Variants in KIAA1217 observed in about 807,000 individuals in gnomAD.
KIAA1217 encodes the protein sickle tail protein homolog.
KIAA1217 carries 88 observed loss-of-function variants against 163.9 expected under a neutral mutation model. The ratio of observed to expected loss-of-function variants is 0.54; its 90% CI spans 0.45 to 0.64. The LOEUF is 0.64. Ranked by LOEUF, KIAA1217 falls within the 30% of genes least tolerant of loss-of-function variation. KIAA1217 has a pLI of 0.00. For missense variants in KIAA1217, 2,372 were observed against 2,475.0 expected (o/e 0.96, Z 0.88); for synonymous variants, 903 against 923.1 (o/e 0.98, Z 0.39).
At position 23,939,141 on chromosome 10, in the gene KIAA1217, T is replaced by C. The variant is rs557902876; in HGVS notation, c.-320-68084T>C. On this transcript the variant is annotated intron_variant, in intron 1 of 18. Transcript: ENST00000376462. ...CTAATAAGCCAACAAACACGTATAA[T>C]GTAATAACAAAATAAAAATCCAAAA... Among the ~76,000 whole-genome samples, 150 of 152,004 alleles carry C rather than the reference T, an allele frequency of 9.9e-4. 3 individuals are homozygous for C. In the South Asian group the frequency reaches 0.031, roughly 31 times the overall value.
At chr10:23,738,093 G>A (rs929089126) in intron 1 of KIAA1217, among the ~76,000 whole-genome samples, 1 of 151,922 alleles carries the variant, frequency 6.6e-6, no homozygotes, top group Admixed American at 6.6e-5. Flanking sequence ...CTTGTTTTTA[G>A]CATTTGTTAT....
chr10:24,110,031 TG>T (rs1230736109), intron 2 of KIAA1217, among the ~76,000 whole-genome samples: 2 of 152,184 alleles, frequency 1.3e-5, no homozygotes, highest in African/African-American at 4.8e-5. Context: ...GCGTAGCTGA[TG>T]TTGTTTTTGG....
intron 1 of KIAA1217, among the ~76,000 whole-genome samples, chr10:23,722,107 T>A (rs369959579): frequency 6.6e-6 from 1 of 152,170 alleles, no homozygotes; most frequent in Non-Finnish European, 1.5e-5. Context: ...ACAAATACTG[T>A]ATGAATCCAA....
intron 8 of KIAA1217, among the ~76,000 whole-genome samples, chr10:24,498,402 T>C (rs1465076616): frequency 6.6e-6 from 1 of 152,150 alleles, no homozygotes; most frequent in Non-Finnish European, 1.5e-5. Context: ...GGGTGACAAC[T>C]AGAAGATCGC....
chr10:23,700,118 C>G (rs1836331387), intron 1 of KIAA1217, among the ~76,000 whole-genome samples: 1 of 152,128 alleles, frequency 6.6e-6, no homozygotes, highest in African/African-American at 2.4e-5. Flanking sequence ...TAGACGTGAC[C>G]CTAATATGCC....
chr10:23,747,026 A>G (rs1186252923), intron 1 of KIAA1217, among the ~76,000 whole-genome samples: 1 of 152,222 alleles, frequency 6.6e-6, no homozygotes, highest in Non-Finnish European at 1.5e-5. Context: ...AGAAGAAACT[A>G]GAAAAACTGG....
chr10:23,935,666 A>G lies in KIAA1217; in HGVS notation c.-320-71559A>G, dbSNP rs536509214. ...TATTGATAAAACAAATAAAAGGTAC[A>G]CAGAAAATCATATAATTAATGTTTA... On this transcript the variant is annotated intron_variant, in intron 1 of 18. Transcript: ENST00000376462. 6.3e-4 allele frequency among the ~76,000 whole-genome samples: 96 copies of G among 152,360 alleles called. 1 individual carries two copies. Among genetic ancestry groups the G allele is most frequent in the Admixed American group, 1.2e-3 (19 of 15,300 alleles).
At chr10:24,082,039 C>T (rs186348902) in intron 2 of KIAA1217, among the ~76,000 whole-genome samples, 45 of 152,212 alleles carry the variant, frequency 3.0e-4, no homozygotes, top group Admixed American at 1.6e-3. Context: ...GCATTCATGT[C>T]GCTGGAGGTT....
At chr10:23,811,388 G>A (rs1837043887) in intron 1 of KIAA1217, among the ~76,000 whole-genome samples, 1 of 150,356 alleles carries the variant, frequency 6.7e-6, no homozygotes, top group African/African-American at 2.4e-5. Context: ...AAAGAAGGGA[G>A]TGGGACTGGA....
intron 1 of KIAA1217, among the ~76,000 whole-genome samples, chr10:23,733,684 G>T (rs529228696): frequency 9.9e-5 from 15 of 151,986 alleles, no homozygotes; most frequent in African/African-American, 3.6e-4. Context: ...GAAACCGTGG[G>T]TATAGTACCC....
chr10:24,161,639 G>T (rs2065124568), intron 2 of KIAA1217, among the ~76,000 whole-genome samples: 2 of 152,192 alleles, frequency 1.3e-5, no homozygotes, highest in African/African-American at 4.8e-5. Flanking sequence ...AATACTCAAA[G>T]TCGCAATAAA....
Position 24,427,320 on chromosome 10 carries a change from A to T in KIAA1217, c.554-5675A>T, listed in dbSNP as rs528691934. Among the ~76,000 whole-genome samples the T allele has an allele frequency of 5.3e-5, 8 of 152,082 alleles. No individual in the cohort carries two copies. In the South Asian group the frequency reaches 1.7e-3, roughly 32 times the overall value. On this transcript the variant is annotated intron_variant, in intron 3 of 20. Coordinates refer to ENST00000376454, the MANE Select transcript of KIAA1217 (RefSeq NM_019590.5). ...TGAGCTGCACCCAGCACGCTTCAAC[A>T]TCTTCAAGCAGATGGTCAGCCTAAA...
chr10:24,069,907 A>G (rs1310179120), intron 2 of KIAA1217, among the ~76,000 whole-genome samples: 2 of 152,096 alleles, frequency 1.3e-5, no homozygotes. Context: ...TGGTGCAATC[A>G]TAGCTCACTA....
In KIAA1217 at chr10:24,138,542, GAC is replaced by G. The variant is rs1310840089; in HGVS notation, c.-170-81080_-170-81079del. Among the ~76,000 whole-genome samples the G allele has an allele frequency of 4.0e-5, 6 of 151,148 alleles. No individual in the cohort carries two copies. The East Asian group carries it at 1.2e-3, about 30-fold the overall frequency. ...TTTATGTTATTGTAAGCTATTTGTA[GAC>G]ACAGTTTTATTGATGATACAGTTTT... On this transcript the variant is annotated intron_variant, in intron 2 of 18. Coordinates refer to the KIAA1217 transcript ENST00000376462.
At chr10:24,472,203 C>A (rs1327226946) in intron 5 of KIAA1217, among the ~76,000 whole-genome samples, 1 of 152,154 alleles carries the variant, frequency 6.6e-6, no homozygotes, top group Non-Finnish European at 1.5e-5. Flanking sequence ...AAGGGCTTGG[C>A]CTTGCTCTCT....
chr10:24,334,466 AG>A (rs1478565153), intron 2 of KIAA1217, among the ~76,000 whole-genome samples: 53 of 150,258 alleles, frequency 3.5e-4, no homozygotes, highest in Non-Finnish European at 5.5e-4. Flanking sequence ...GAAGGAAGGA[AG>A]GAAGGAAGGA....
chr10:23,963,758 C>T (rs996079324), intron 1 of KIAA1217, among the ~76,000 whole-genome samples: 20 of 152,262 alleles, frequency 1.3e-4, no homozygotes, highest in South Asian at 2.1e-4. Context: ...CCTATTTCTC[C>T]GCATCCTCTC....
intron 2 of KIAA1217, among the ~76,000 whole-genome samples, chr10:24,109,384 C>CTTTT (rs113325699): frequency 6.8e-5 from 10 of 147,616 alleles, no homozygotes; most frequent in African/African-American, 2.2e-4. Context: ...ACTGTGGTCT[C>CTTTT]TTTTTTTTTT....
At position 24,546,528 on chromosome 10, in the gene KIAA1217, T is replaced by A; in HGVS notation, c.*204T>A. ...CTTTTTACCTAGTTGCTATAGTGTCTACAGTCTATACTCAATACCTATAAA... is the reference window on the plus strand; with the variant it reads ...CTTTTTACCTAGTTGCTATAGTGTCAACAGTCTATACTCAATACCTATAAA... On this transcript the variant is annotated 3_prime_UTR_variant, in exon 21 of 21. Coordinates refer to ENST00000376454, the MANE Select transcript of KIAA1217 (RefSeq NM_019590.5). 3.5e-6 allele frequency: 2 copies of A among 579,332 alleles called. No homozygotes were observed. Among genetic ancestry groups the A allele is most frequent in the East Asian group, 5.9e-5 (2 of 33,846 alleles). The allele number at this position is 579,332 out of a possible 1,614,324, so 35.9% of individuals were successfully genotyped here.
Sources: allele counts gnomAD v4.1 joint callset (sites outside exome capture counted in the v4.1 genomes callset), GRCh38; gene constraint gnomAD v4.1.1; transcripts MANE v1.5; gene names NCBI Gene and HGNC (gene_info 2026-07-23, HGNC 2026-07-21).